CYP11B2: variants seen among roughly 807,000 people sequenced by gnomAD.
CYP11B2 encodes cytochrome P450 family 11 subfamily B member 2.
CYP11B2 carries 38 observed loss-of-function variants against 49.3 expected under a neutral mutation model. The observed-to-expected ratio is 0.77, with a 90% confidence interval of 0.59 to 1.01. CYP11B2 has a LOEUF of 1.01. CYP11B2 is among the 50% of genes least tolerant of loss of function. The probability of loss-of-function intolerance (pLI) is 0.00; values close to 1 mark genes in which losing one functional copy is unlikely to be tolerated. For synonymous variants in CYP11B2, 290 were observed against 269.3 expected (o/e 1.08, Z -0.75); for missense variants, 669 against 655.5 (o/e 1.02, Z -0.23).
chr8:142,912,311 C>G (rs1817550118), intron 8 of CYP11B2, among the ~76,000 whole-genome samples: 1 of 151,998 alleles, frequency 6.6e-6, no homozygotes. Context: ...ACAGGCTCCA[C>G]CCCACTCCCC....
At chr8:142,914,622 T>C in intron 4 of CYP11B2, 83 bp downstream of exon 4, 1 of 1,476,118 alleles carries the variant, frequency 6.8e-7, no homozygotes, top group Non-Finnish European at 9.2e-7. Context: ...GTGGCCTCCA[T>C]TCCCCACTGG....
At position 142,910,819 on chromosome 8, in the gene CYP11B2, G is replaced by A. The variant is rs140738939; in HGVS notation, c.*1161C>T. ...ATTACCTAAGTATTTCCCCTTTCAT[G>A]GGGGAACAAACGCTCTGATCCTCAT... On this transcript the variant is annotated 3_prime_UTR_variant, in exon 9 of 9. Coordinates refer to ENST00000323110, the MANE Select transcript of CYP11B2 (RefSeq NM_000498.3). The surrounding 1 kb of genome is among the most constrained non-coding windows in gnomAD (Gnocchi z 4.6). The A allele has an allele frequency of 2.9e-4, 44 of 152,240 alleles. No homozygotes were observed. The highest frequency in any genetic ancestry group is 1.1e-3 in the African/African-American group (44 of 41,534). The allele number at this position is 152,240 out of a possible 1,614,324, so 9.4% of individuals were successfully genotyped here. A position where few individuals can be genotyped will look rare whatever the true frequency, so the allele number is the denominator to read the frequency against.
rs373392762 is a variant in CYP11B2, at chr8:142,913,086, C to T, written c.1121+199G>A. 1.3e-3 allele frequency among the ~76,000 whole-genome samples: 191 copies of T among 150,630 alleles called. 1 individual carries two copies. The highest frequency in any genetic ancestry group is 4.6e-3 in the African/African-American group (184 of 40,380). ...CCCAAGCGCAGAAGGACATGCCCCA[C>T]GTTAATCCCCAGGGTGTTGAAGAGG... On this transcript the variant is annotated intron_variant, in intron 6 of 8. Transcript: ENST00000323110.
intron 8 of CYP11B2, 137 bp downstream of exon 8, chr8:142,912,393 C>A: frequency 9.8e-7 from 1 of 1,024,798 alleles, no homozygotes; most frequent in South Asian, 1.4e-5. Context: ...CAGATCCTCC[C>A]TGGTCACGCC....
Position 142,913,425 on chromosome 8 carries a change from G to A in CYP11B2, c.981C>T (p.Leu327=), listed in dbSNP as rs537890104. ...DTTAFPLLMT[L]FELARNPDVQ... ...CGTCGGGGTTCCGAGCCAGCTCAAA[G>A]AGCGTCATCAGCAAGGGAAACGCTG... Residue 327 remains leucine (L), a synonymous_variant, in exon 6 of 9, where the codon CTC becomes CTT. Transcript: ENST00000323110. 4 of 1,614,060 alleles carry A rather than the reference G, an allele frequency of 2.5e-6. No homozygotes were observed. The highest frequency in any genetic ancestry group is 2.2e-5 in the East Asian group (1 of 44,874).
intron 6 of CYP11B2, 119 bp downstream of exon 6, chr8:142,913,166 G>C (rs1817572166): frequency 1.7e-6 from 2 of 1,156,330 alleles, no homozygotes; most frequent in Middle Eastern, 2.9e-4. Flanking sequence ...AGCAGGTGCA[G>C]GGGAATGGGC....
In CYP11B2 at chr8:142,915,035, A is replaced by G. The variant is rs6409; in HGVS notation, c.595+11T>C. 29 of 1,613,124 alleles carry G rather than the reference A, an allele frequency of 1.8e-5. No individual in the cohort carries two copies. Among genetic ancestry groups the G allele is most frequent in the African/African-American group, 2.7e-5 (2 of 74,556 alleles). On this transcript the variant is annotated intron_variant, in intron 3 of 8. Coordinates refer to ENST00000323110, the MANE Select transcript of CYP11B2 (RefSeq NM_000498.3). ...GGTCTCTGGGGCTGGACCTTCCCGC[A>G]TGGCCCACACCTTCTATGGTGTAGT...
Position 142,911,604 on chromosome 8 carries a change from A to T in CYP11B2, c.*376T>A. 1 of 314,442 alleles carries T rather than the reference A, an allele frequency of 3.2e-6. No individual in the cohort carries two copies. The allele number at this position is 314,442 out of a possible 1,614,324, so 19.5% of individuals were successfully genotyped here. ...CCTGGCCAGGGCGAGAGGGACAGGGACATGTGAGACTAGGCAGGAAGGCAA... is the reference window on the plus strand; with the variant it reads ...CCTGGCCAGGGCGAGAGGGACAGGGTCATGTGAGACTAGGCAGGAAGGCAA... On this transcript the variant is annotated 3_prime_UTR_variant, in exon 9 of 9. Coordinates refer to ENST00000323110, the MANE Select transcript of CYP11B2 (RefSeq NM_000498.3).
chr8:142,916,915 G>T, intron 2 of CYP11B2, 144 bp downstream of exon 2: 1 of 1,318,068 alleles, frequency 7.6e-7, no homozygotes, highest in Non-Finnish European at 1.1e-6. Context: ...CAGGATGGCC[G>T]TCCTCTGGGC....
rs139408911 is a variant in CYP11B2, at chr8:142,912,027, A to G, written c.1465T>C (p.Leu489=). Residue 489 remains leucine (L), a synonymous_variant, in exon 9 of 9, where the codon TTG becomes CTG. Transcript: ENST00000323110. The part of the protein sequence containing the change: ...EDIKMVYSFI[L]RPGTSPLLTF... ...AGGAGGGGGGACGTGCCAGGCCTCA[A>G]TATGAAGCTGTAGACCATCTTTATG... The G allele has an allele frequency of 6.8e-6, 11 of 1,614,024 alleles. No individual in the cohort carries two copies. Among genetic ancestry groups the G allele is most frequent in the Middle Eastern group, 1.6e-4 (1 of 6,062 alleles).
chr8:142,916,955 G>A, intron 2 of CYP11B2, 104 bp downstream of exon 2: 4 of 1,529,382 alleles, frequency 2.6e-6, no homozygotes, highest in Non-Finnish European at 2.7e-6. Flanking sequence ...CCCACCACAG[G>A]GGCCCAGGGC....
At chr8:142,917,353 G>T in intron 1 of CYP11B2, 139 bp from the exon 2 acceptor site, 2 of 1,398,338 alleles carry the variant, frequency 1.4e-6, no homozygotes, top group Non-Finnish European at 2.0e-6. Context: ...CCTCCTGCTG[G>T]CTCCCTGGAA....
chr8:142,913,490 GA>G, intron 5 of CYP11B2, 39 bp from the exon 6 acceptor site: 6 of 1,613,568 alleles, frequency 3.7e-6, no homozygotes, highest in Non-Finnish European at 5.1e-6. Flanking sequence ...CCTTGCACAG[GA>G]GGACTCAGCC....
chr8:142,914,167 G>A (rs1817593108), intron 5 of CYP11B2, 97 bp downstream of exon 5: 2 of 1,402,288 alleles, frequency 1.4e-6, no homozygotes. Flanking sequence ...TGTAGCCTGG[G>A]GATGGGGAAC....
Position 142,913,314 on chromosome 8 carries a change from C to A in CYP11B2, c.1092G>T (p.Leu364Phe). The A allele has an allele frequency of 6.2e-7, 1 of 1,613,964 alleles. No homozygotes were observed. The highest frequency in any genetic ancestry group is 1.3e-5 in the African/African-American group (1 of 75,038). Residue 364 changes from leucine (L) to phenylalanine (F), a missense_variant, in exon 6 of 9, where the codon TTG (leucine) becomes TTT (phenylalanine). Leu to Phe is a conservative substitution (Grantham distance 22). Transcript: ENST00000323110. The stretch of plus-strand genomic sequence containing the variant: ...AGGTCTCCTTGAGGGCCGCCCGCAG[C>A]AAGGGCAGCTCGGTGGTTGCCTTCT... The part of the protein sequence containing the change: ...HPQKATTELP[L>F]LRAALKETLR...
chr8:142,912,105 GCT>G lies in CYP11B2; in HGVS notation c.1399-14_1399-13del. ...AAGTGCTTCAGCACCTAGGACAGAG[GCT>G]GGGTTTCCATCTGGCCTGGTCAGTA... On this transcript the variant is annotated splice_polypyrimidine_tract_variant and intron_variant, in intron 8 of 8. Coordinates refer to ENST00000323110, the MANE Select transcript of CYP11B2 (RefSeq NM_000498.3). 6.2e-7 allele frequency: 1 copy of G among 1,613,948 alleles called. No homozygotes were observed. Among genetic ancestry groups the G allele is most frequent in the Non-Finnish European group, 8.5e-7 (1 of 1,179,902 alleles).
chr8:142,916,789 G>C (rs1379301891), intron 2 of CYP11B2, among the ~76,000 whole-genome samples: 1 of 152,196 alleles, frequency 6.6e-6, no homozygotes, highest in Non-Finnish European at 1.5e-5. Flanking sequence ...TTGGTGCAGA[G>C]CGGGTTCTCA....
chr8:142,915,541 C>T (rs1817629693), intron 2 of CYP11B2, among the ~76,000 whole-genome samples: 1 of 135,104 alleles, frequency 7.4e-6, no homozygotes, highest in Admixed American at 7.4e-5. Flanking sequence ...CACCACCTCA[C>T]CCATGCGGGC....
At chr8:142,916,290 G>A (rs1424821574) in intron 2 of CYP11B2, 13 of 401,500 alleles carry the variant, frequency 3.2e-5, no homozygotes, top group African/African-American at 6.1e-5. Flanking sequence ...CCCGACCCAC[G>A]GGTGCCCTTT....
Sources: gnomAD v4.1 joint callset for allele counts (sites outside exome capture counted in the v4.1 genomes callset) on GRCh38, gnomAD v4.1.1 for gene constraint, Gnocchi (gnomAD v3.1) non-coding constraint, MANE v1.5 for transcripts, NCBI Gene and HGNC (gene_info 2026-07-23, HGNC 2026-07-21) for gene names.